PCTP: variants seen among roughly 807,000 people sequenced by gnomAD.
PCTP encodes START domain-containing protein 2.
A neutral mutation model predicts 31.0 loss-of-function variants in PCTP; 27 were observed. The observed-to-expected ratio is 0.87, with a 90% CI of 0.64 to 1.20. PCTP has a LOEUF of 1.20. Ranked by LOEUF, PCTP falls within the 50% of genes most tolerant of loss-of-function variation. The pLI is 0.00. For missense variants in PCTP, 287 were observed against 268.2 expected (o/e 1.07, Z -0.49); for synonymous variants, 108 against 101.2 (o/e 1.07, Z -0.40).
rs3083340 is a variant in PCTP, at chr17:55,829,689, A to AACACACACAC, written n.505+6785_505+6794dup. On this transcript the variant is annotated intron_variant and non_coding_transcript_variant, in intron 5 of 5. Coordinates refer to the PCTP transcript ENST00000576221. ...TCTATACAGTTTGGATAATAATTTA[A>AACACACACAC]ACACACACACACACACACACACACA... Among the ~76,000 whole-genome samples, 98 of 146,230 alleles carry AACACACACAC rather than the reference A, an allele frequency of 6.7e-4. 1 individual carries two copies. Among genetic ancestry groups the AACACACACAC allele is most frequent in the East Asian group, 2.4e-3 (12 of 4,926 alleles).
At chr17:55,839,875 C>T (rs1905908014) in intron 5 of PCTP, among the ~76,000 whole-genome samples, 2 of 141,064 alleles carry the variant, frequency 1.4e-5, no homozygotes, top group Admixed American at 1.4e-4. Flanking sequence ...AGCCGAGATC[C>T]CGCCACTGCA....
At chr17:55,812,785 T>C (rs1434617601) in intron 3 of PCTP, among the ~76,000 whole-genome samples, 1 of 152,158 alleles carries the variant, frequency 6.6e-6, no homozygotes, top group Admixed American at 6.5e-5. Flanking sequence ...CCCCATCTTA[T>C]TGGGAGTAAG....
At chr17:55,832,286 GC>G (rs1353088890) in intron 5 of PCTP, among the ~76,000 whole-genome samples, 1 of 152,196 alleles carries the variant, frequency 6.6e-6, no homozygotes, top group African/African-American at 2.4e-5. Context: ...TACCTAGAAT[GC>G]TGATTGCACA....
At chr17:55,827,571 A>G (rs1031841799), downstream of PCTP, among the ~76,000 whole-genome samples, 1 of 152,378 alleles carries the variant, frequency 6.6e-6, no homozygotes, top group African/African-American at 2.4e-5. Flanking sequence ...CCTACTGCTC[A>G]TAACCCAGCA....
At chr17:55,849,224 T>G in the PCTP span, among the ~76,000 whole-genome samples, 1 of 152,168 alleles carries the variant, frequency 6.6e-6, no homozygotes, top group Non-Finnish European at 1.5e-5. Context: ...ATAGAAATTC[T>G]GCAGCTAAAA....
rs569305958 is a variant in PCTP at position 55,761,113 on chromosome 17, T to C, written c.142-6222T>C. The stretch of plus-strand genomic sequence containing the variant: ...TCTTTCTGTCTGTCCTGTTACTAGC[T>C]GTAGGACTTAGGCAAGTAAGTTGGC... On this transcript the variant is annotated intron_variant, in intron 1 of 5. Coordinates refer to ENST00000268896, the MANE Select transcript of PCTP (RefSeq NM_021213.4). Among the ~76,000 whole-genome samples, 4 of 152,326 alleles carry C rather than the reference T, an allele frequency of 2.6e-5. No individual in the cohort carries two copies. The South Asian group carries it at 8.3e-4, about 32-fold the overall frequency.
downstream of PCTP, among the ~76,000 whole-genome samples, chr17:55,825,861 A>T (rs1011051472): frequency 3.9e-5 from 6 of 152,158 alleles, no homozygotes; most frequent in Non-Finnish European, 5.9e-5. Context: ...CGCTAATTCC[A>T]ATCCCATTTC....
intron 5 of PCTP, among the ~76,000 whole-genome samples, chr17:55,842,473 C>T (rs1478710525): frequency 6.6e-6 from 1 of 152,122 alleles, no homozygotes; most frequent in African/African-American, 2.4e-5. Flanking sequence ...AAAGCCAGAT[C>T]CTAAGTTAAT....
intron 3 of PCTP, among the ~76,000 whole-genome samples, chr17:55,818,761 G>A (rs370121540): frequency 6.6e-6 from 1 of 152,086 alleles, no homozygotes; most frequent in Admixed American, 6.6e-5. Flanking sequence ...AAAGAGATCC[G>A]AACCATGAAG....
At chr17:55,803,855 C>T (rs1396558380) in intron 3 of PCTP, among the ~76,000 whole-genome samples, 1 of 142,646 alleles carries the variant, frequency 7.0e-6, no homozygotes, top group African/African-American at 2.7e-5. Flanking sequence ...CCAAAATTGA[C>T]AAATGGATCT....
chr17:55,756,739 G>GTA (rs1910045348), intron 1 of PCTP, among the ~76,000 whole-genome samples: 2 of 115,606 alleles, frequency 1.7e-5, no homozygotes, highest in South Asian at 6.2e-4. Context: ...GTGTGTGTGT[G>GTA]TGTATATATG....
intron 1 of PCTP, among the ~76,000 whole-genome samples, chr17:55,761,162 G>A (rs1220496844): frequency 6.6e-6 from 1 of 152,132 alleles, no homozygotes; most frequent in Non-Finnish European, 1.5e-5. Flanking sequence ...ATTTCCTTCT[G>A]TAAAGGTAGA....
Position 55,772,044 on chromosome 17 carries a change from C to G in PCTP, c.339+859C>G, listed in dbSNP as rs149503861. ...CAAAGGTGTTCTGCCAAATTTTAATCACTATATCAAGATAATTCTTCCTCC... is the reference window on the plus strand; with the variant it reads ...CAAAGGTGTTCTGCCAAATTTTAATGACTATATCAAGATAATTCTTCCTCC... On this transcript the variant is annotated intron_variant, in intron 3 of 5. Transcript: ENST00000268896. Among the ~76,000 whole-genome samples the G allele has an allele frequency of 2.4e-3, 370 of 152,304 alleles. 3 individuals are homozygous for G. Among genetic ancestry groups the G allele is most frequent in the Middle Eastern group, 6.8e-3 (2 of 294 alleles).
chr17:55,760,084 A>C (rs957393215), intron 1 of PCTP, among the ~76,000 whole-genome samples: 14 of 152,216 alleles, frequency 9.2e-5, no homozygotes, highest in African/African-American at 3.4e-4. Context: ...TAGCATCTCA[A>C]AAATTAGTGA....
chr17:55,834,344 C>T (rs969110065), intron 5 of PCTP, among the ~76,000 whole-genome samples: 1 of 149,144 alleles, frequency 6.7e-6, no homozygotes, highest in Non-Finnish European at 1.5e-5. Context: ...TCCTGATGCT[C>T]TCCCTCTCCC....
At chr17:55,824,808 T>C (rs1905345484), downstream of PCTP, among the ~76,000 whole-genome samples, 1 of 152,204 alleles carries the variant, frequency 6.6e-6, no homozygotes, top group Non-Finnish European at 1.5e-5. Flanking sequence ...TTAGGATCCA[T>C]AGCCACAGAT....
At chr17:55,788,070 G>A (rs984942234) in intron 3 of PCTP, among the ~76,000 whole-genome samples, 1 of 152,146 alleles carries the variant, frequency 6.6e-6, no homozygotes, top group African/African-American at 2.4e-5. Flanking sequence ...CTACTGGATT[G>A]TAATAACCAA....
At chr17:55,785,820 T>C (rs1036554116) in intron 2 of PCTP, among the ~76,000 whole-genome samples, 5 of 152,244 alleles carry the variant, frequency 3.3e-5, no homozygotes, top group African/African-American at 1.2e-4. Context: ...ATATTGATTA[T>C]AGGGCTACTT....
intron 3 of PCTP, among the ~76,000 whole-genome samples, chr17:55,800,850 G>A (rs187435780): frequency 1.1e-4 from 16 of 151,680 alleles, no homozygotes; most frequent in East Asian, 3.9e-4. Flanking sequence ...ATTCCTTTCC[G>A]TTTGTTAGTT....
Sources: allele counts gnomAD v4.1 joint callset (sites outside exome capture counted in the v4.1 genomes callset), GRCh38; gene constraint gnomAD v4.1.1; transcripts MANE v1.5; gene names NCBI Gene and HGNC (gene_info 2026-07-23, HGNC 2026-07-21).